The following TEP1 variants were observed in gnomAD, a reference collection of about 807,000 sequenced individuals.
TEP1 encodes the protein telomerase associated protein 1.
A neutral mutation model predicts 306.3 loss-of-function variants in TEP1; 241 were observed. The ratio of observed to expected loss-of-function variants is 0.79; its 90% CI spans 0.71 to 0.88. TEP1 has a LOEUF of 0.88. Among genes scored for constraint, TEP1 ranks in the 40% least tolerant of loss-of-function variants. The pLI, the probability that TEP1 is intolerant of heterozygous loss-of-function variation, is 0.00. For synonymous variants in TEP1, 1,289 were observed against 1,305.5 expected, an observed-to-expected ratio of 0.99 and a Z score of 0.27; for missense variants, 3,051 against 3,276.1, an observed-to-expected ratio of 0.93 and a Z score of 1.68.
At chr14:20,374,372 C>T (rs1885044898) in intron 44 of TEP1, 57 bp downstream of exon 44, 1 of 1,319,008 alleles carries the variant, frequency 7.6e-7, no homozygotes, top group African/African-American at 1.5e-5. Context: ...CACCGTCTCC[C>T]AAAGCCCCCT....
At chr14:20,398,966 G>A (rs540530248) in intron 9 of TEP1, among the ~76,000 whole-genome samples, 6 of 151,558 alleles carry the variant, frequency 4.0e-5, no homozygotes, top group East Asian at 1.9e-4. Context: ...ATCTTGGCTC[G>A]CTGCAACCTC....
At chr14:20,377,076 G>T (rs1483604458) in intron 41 of TEP1, among the ~76,000 whole-genome samples, 3 of 152,086 alleles carry the variant, frequency 2.0e-5, no homozygotes, top group Admixed American at 2.0e-4. Context: ...TTAGCCGGGC[G>T]TGGAGGCGCA....
chr14:20,404,978 T>C (rs985036349), intron 4 of TEP1, among the ~76,000 whole-genome samples: 5 of 152,198 alleles, frequency 3.3e-5, no homozygotes, highest in Non-Finnish European at 7.4e-5. Context: ...CATGTCTTCT[T>C]CTGAGTCTAC....
chr14:20,376,990 T>A (rs1885211491), intron 41 of TEP1, among the ~76,000 whole-genome samples: 1 of 151,846 alleles, frequency 6.6e-6, no homozygotes, highest in Admixed American at 6.6e-5. Context: ...CCGAGGTGGG[T>A]GGATCACCTA....
intron 9 of TEP1, among the ~76,000 whole-genome samples, chr14:20,398,005 G>A (rs1338464360): frequency 4.0e-5 from 6 of 151,692 alleles, no homozygotes; most frequent in South Asian, 4.2e-4. Flanking sequence ...TGCCTGCCTC[G>A]GCCTCCCAAA....
In TEP1 at chr14:20,385,959, G is replaced by C. The variant is rs990106812; in HGVS notation, c.2982+116C>G. 2.1e-6 allele frequency: 3 copies of C among 1,411,024 alleles called. No individual in the cohort carries two copies. The African/African-American group carries it at 4.4e-5, about 21-fold the overall frequency. 87.4% of individuals were successfully genotyped at this position (1,411,024 alleles called of 1,614,324 possible). On this transcript the variant is annotated intron_variant, in intron 20 of 54. Transcript: ENST00000262715. ...ATCTTCAGCCTGTATTTCACTTCAA[G>C]TCTCAAGGACCTGCCTGTTCATAGT...
At chr14:20,409,859 A>G (rs1281529366) in intron 1 of TEP1, among the ~76,000 whole-genome samples, 1 of 151,182 alleles carries the variant, frequency 6.6e-6, no homozygotes, top group Non-Finnish European at 1.5e-5. Flanking sequence ...TCTCTACTAA[A>G]AAAATACAAA....
Position 20,381,822 on chromosome 14 carries a change from G to C in TEP1, c.4424+91C>G, listed in dbSNP as rs1044682997. Reference sequence around the variant, plus strand: ...GGAGCAGTAGCTCATTCATGGTCTGGGAGCCAGTTGTTGAAGCTATACAGA... The same window carrying C: ...GGAGCAGTAGCTCATTCATGGTCTGCGAGCCAGTTGTTGAAGCTATACAGA... On this transcript the variant is annotated intron_variant, in intron 30 of 54. Coordinates refer to ENST00000262715, the MANE Select transcript of TEP1 (RefSeq NM_007110.5). The surrounding 1 kb of genome is among the most constrained non-coding windows in gnomAD (Gnocchi z 4.0). 1 of 1,552,290 alleles carries C rather than the reference G, an allele frequency of 6.4e-7. No individual in the cohort carries two copies. Among genetic ancestry groups the C allele is most frequent in the African/African-American group, 1.4e-5 (1 of 72,948 alleles).
Position 20,408,073 on chromosome 14 carries a change from A to T in TEP1, c.367T>A (p.Ser123Thr). Residue 123 changes from serine (S) to threonine (T), a missense_variant, in exon 2 of 55, where the codon TCT becomes ACT. Around this residue, in one of 3 missense-constraint regions of TEP1, gnomAD observed 1,507 missense variants for 1,550.5 expected, o/e 0.97. Transcript: ENST00000262715. The stretch of plus-strand genomic sequence containing the variant: ...AGACTCTGGAACAAGGGGCTGGCAG[A>T]CACAGTGCTCTTTAGACTAGAGAGG... ...ATLSSLKSTV[S>T]ASPLFQSLQI... The T allele has an allele frequency of 6.2e-7, 1 of 1,614,166 alleles. No homozygotes were observed.
rs1387359991 is a variant in TEP1, at chr14:20,381,820, T to C, written c.4424+93A>G. The C allele has an allele frequency of 1.3e-6, 2 of 1,552,228 alleles. No individual in the cohort carries two copies. Among genetic ancestry groups the C allele is most frequent in the Non-Finnish European group, 1.7e-6 (2 of 1,151,812 alleles). Reference sequence around the variant, plus strand: ...CTGGAGCAGTAGCTCATTCATGGTCTGGGAGCCAGTTGTTGAAGCTATACA... The same window carrying C: ...CTGGAGCAGTAGCTCATTCATGGTCCGGGAGCCAGTTGTTGAAGCTATACA... On this transcript the variant is annotated intron_variant, in intron 30 of 54. Coordinates refer to ENST00000262715, the MANE Select transcript of TEP1 (RefSeq NM_007110.5). The surrounding 1 kb of genome is among the most constrained non-coding windows in gnomAD (Gnocchi z 4.0).
In TEP1 at chr14:20,378,226, G is replaced by GC. The variant is rs780860516; in HGVS notation, c.5518dup (p.Ala1840GlyfsTer101). 1.9e-6 allele frequency: 3 copies of GC among 1,613,274 alleles called. No individual in the cohort carries two copies. The East Asian group carries it at 6.7e-5, about 36-fold the overall frequency. ...CAAGGTACGGATAGAGGCTCCGGGT[G>GC]CCCCCAGGTCCTACACAGGGAGGTA... On this transcript the variant is annotated frameshift_variant, in exon 39 of 55. Coordinates refer to ENST00000262715, the MANE Select transcript of TEP1 (RefSeq NM_007110.5). LOFTEE classifies it high-confidence loss of function.
Position 20,378,104 on chromosome 14 carries a change from G to C in TEP1, c.5641C>G (p.Pro1881Ala). The C allele has an allele frequency of 6.2e-7, 1 of 1,613,942 alleles. No homozygotes were observed. Among genetic ancestry groups the C allele is most frequent in the Non-Finnish European group, 8.5e-7 (1 of 1,180,030 alleles). The change falls in exon 39 of 55, where the codon CCT (proline) becomes GCT (alanine). Residue 1881 changes from proline (P) to alanine (A), a missense_variant. Physicochemically the swap from Pro to Ala is conservative, Grantham distance 27. Coordinates refer to ENST00000262715, the MANE Select transcript of TEP1 (RefSeq NM_007110.5). The part of the protein sequence containing the change: ...WREGARLAAF[P>A]AHHGFVAAAL... ...GCAGCAACAAAGCCATGGTGGGCAG[G>C]GAAGGCAGCCAGCCGTGCCCCTTCT... is the stretch of plus-strand genomic sequence containing the variant.
chr14:20,388,480 G>A (rs1456830560), intron 17 of TEP1, among the ~76,000 whole-genome samples: 1 of 152,136 alleles, frequency 6.6e-6, no homozygotes, highest in African/African-American at 2.4e-5. Flanking sequence ...GAAAAGCCAG[G>A]GGAGAAAACA....
At chr14:20,387,444 C>T (rs1381563627) in intron 18 of TEP1, among the ~76,000 whole-genome samples, 4 of 149,994 alleles carry the variant, frequency 2.7e-5, no homozygotes, top group East Asian at 4.0e-4. Context: ...CCCAGCTACT[C>T]GGGAGGCTGA....
At chr14:20,390,330 TTACATC>T (rs1209942864) in intron 15 of TEP1, among the ~76,000 whole-genome samples, 58 of 152,372 alleles carry the variant, frequency 3.8e-4, no homozygotes, top group African/African-American at 1.1e-3. Context: ...ACGTGCTTAT[TTACATC>T]TACTATATCA....
chr14:20,403,757 G>A lies in TEP1; in HGVS notation c.1160C>T (p.Ala387Val). 6.2e-7 allele frequency: 1 copy of A among 1,614,082 alleles called. No individual in the cohort carries two copies. The highest frequency in any genetic ancestry group is 2.2e-5 in the East Asian group (1 of 44,876). ...GGGTGGCCGGCGGGGGTGTCTCTTG[G>A]CCCGGTGCTTCCGAGGGTTGTACTT... The part of the protein sequence containing the change: ...LAKYNPRKHR[A>V]KRHPRRPPRS... The change falls in exon 6 of 55, where the codon GCC (alanine) becomes GTC (valine). Residue 387 changes from alanine to valine, a missense_variant. Physicochemically the swap from Ala to Val is moderately conservative, Grantham distance 64. Transcript: ENST00000262715.
intron 2 of TEP1, among the ~76,000 whole-genome samples, chr14:20,407,288 T>C (rs1437831580): frequency 6.6e-6 from 1 of 152,234 alleles, no homozygotes; most frequent in Non-Finnish European, 1.5e-5. Flanking sequence ...CTGACTCTGC[T>C]ATAGTAACAT....
At position 20,366,513 on chromosome 14, in the gene TEP1, TG is replaced by T. The variant is rs1884481774; in HGVS notation, c.*1923del. ...AGAAGGTATATTTCGAGGCTTGGCA[TG>T]AGGCACATAAGAGAAGACAGAAGCA... is the stretch of plus-strand genomic sequence containing the variant. On this transcript the variant is annotated 3_prime_UTR_variant, in exon 55 of 55. Transcript: ENST00000262715. 1 of 152,240 alleles carries T rather than the reference TG, an allele frequency of 6.6e-6. No homozygotes were observed. The highest frequency in any genetic ancestry group is 1.5e-5 in the Non-Finnish European group (1 of 68,050). The allele number at this position is 152,240 out of a possible 1,614,324, so 9.4% of individuals were successfully genotyped here.
At position 20,368,319 on chromosome 14, in the gene TEP1, C is replaced by G. The variant is rs1480270344; in HGVS notation, c.*118G>C. 1 of 1,262,620 alleles carries G rather than the reference C, an allele frequency of 7.9e-7. No individual in the cohort carries two copies. The highest frequency in any genetic ancestry group is 1.5e-5 in the African/African-American group (1 of 66,266). 78.2% of individuals were successfully genotyped at this position (1,262,620 alleles called of 1,614,324 possible). On this transcript the variant is annotated 3_prime_UTR_variant, in exon 55 of 55. Coordinates refer to ENST00000262715, the MANE Select transcript of TEP1 (RefSeq NM_007110.5). ...CAGGCCTACACTTGAGATTTTTTGA[C>G]ACTTCATTTTTATAATTATCAAGAA...
Sources: gnomAD v4.1 joint callset for allele counts (sites outside exome capture counted in the v4.1 genomes callset) on GRCh38, gnomAD v4.1.1 for gene constraint, gnomAD v4.1.1 regional missense constraint, Gnocchi (gnomAD v3.1) non-coding constraint, MANE v1.5 for transcripts, NCBI Gene and HGNC (gene_info 2026-07-23, HGNC 2026-07-21) for gene names.